The following TRPC5 variants were observed in gnomAD, a reference collection of about 807,000 sequenced individuals.
TRPC5 encodes short transient receptor potential channel 5.
In TRPC5, 9 loss-of-function variants were observed where a neutral mutation model predicts 56.5. The observed-to-expected ratio is 0.16, with a 90% CI of 0.10 to 0.28. The LOEUF (loss-of-function observed/expected upper bound fraction) is 0.28. Among genes scored for constraint, TRPC5 ranks in the 10% least tolerant of loss-of-function variants. The probability of loss-of-function intolerance (pLI) is 1.00; values close to 1 mark genes in which losing one functional copy is unlikely to be tolerated. For missense variants in TRPC5, 469 were observed against 748.9 expected (o/e 0.63, Z 4.36); for synonymous variants, 282 against 278.5 (o/e 1.01, Z -0.13).
At chrX:111,842,132 G>GTATATATATATATTATATATATA (rs1406226710) in intron 6 of TRPC5, among the ~76,000 whole-genome samples, 6 of 77,195 alleles carry the variant, frequency 7.8e-5, no homozygotes, top group African/African-American at 7.0e-4. Flanking sequence ...ATATATATAT[G>GTATATATATATATTATATATATA]TATATATATA....
intron 3 of TRPC5, among the ~76,000 whole-genome samples, chrX:111,855,903 C>A (rs929014594): frequency 1.8e-5 from 2 of 111,808 alleles, no homozygotes; most frequent in African/African-American, 6.5e-5. Flanking sequence ...AGTAAGGACA[C>A]CGAAAACGAT....
chrX:112,050,182 AAAAC>A (rs368003010), intron 1 of TRPC5, among the ~76,000 whole-genome samples: 4,241 of 110,220 alleles, frequency 0.038, 80 homozygotes, highest in Middle Eastern at 0.061. Context: ...AACAACAACA[AAAAC>A]AAACAAACAA....
intron 2 of TRPC5, among the ~76,000 whole-genome samples, chrX:111,938,647 AT>A (rs1355327331): frequency 1.8e-5 from 2 of 111,404 alleles, no homozygotes; most frequent in Non-Finnish European, 1.9e-5. Context: ...GCTGGATTAC[AT>A]TTATTGATTT....
intron 1 of TRPC5, among the ~76,000 whole-genome samples, chrX:111,961,832 G>A (rs771660846): frequency 8.0e-5 from 9 of 111,849 alleles, no homozygotes; most frequent in Non-Finnish European, 1.5e-4. Flanking sequence ...TAAGGGGAAT[G>A]AAAACATATC....
chrX:111,962,674 T>C (rs757482352), intron 1 of TRPC5, among the ~76,000 whole-genome samples: 1 of 112,641 alleles, frequency 8.9e-6, no homozygotes, highest in Non-Finnish European at 1.9e-5. Context: ...ACTTAGTTGA[T>C]AAAACAGTGG....
chrX:111,998,434 C>T (rs967272660), intron 1 of TRPC5, among the ~76,000 whole-genome samples: 3 of 111,144 alleles, frequency 2.7e-5, no homozygotes, highest in Non-Finnish European at 3.8e-5. Flanking sequence ...TATTCTCTTC[C>T]AGCTATTTAA....
chrX:111,843,873 AGTGTGTGTGT>A (rs547330564), intron 6 of TRPC5, among the ~76,000 whole-genome samples: 42 of 72,599 alleles, frequency 5.8e-4, no homozygotes, highest in Admixed American at 1.4e-3. Context: ...CAGTGGGATG[AGTGTGTGTGT>A]GTGTGTGTGT....
intron 3 of TRPC5, among the ~76,000 whole-genome samples, chrX:111,870,445 G>A (rs1923711584): frequency 9.0e-6 from 1 of 111,722 alleles, no homozygotes; most frequent in South Asian, 3.7e-4. Flanking sequence ...TTTGGGACAT[G>A]CTTATACAAA....
At chrX:112,014,037 T>C (rs930297723) in intron 1 of TRPC5, among the ~76,000 whole-genome samples, 3 of 112,187 alleles carry the variant, frequency 2.7e-5, no homozygotes, top group Non-Finnish European at 5.6e-5. Context: ...CCTGAGAGAA[T>C]GTTAAAACAC....
At chrX:111,931,757 C>G (rs1002978615) in intron 2 of TRPC5, among the ~76,000 whole-genome samples, 10 of 111,585 alleles carry the variant, frequency 9.0e-5, no homozygotes, top group Non-Finnish European at 1.9e-4. Flanking sequence ...AGTGCATCCG[C>G]TTACTAGATG....
chrX:112,072,265 G>A (rs746696172), intron 1 of TRPC5, among the ~76,000 whole-genome samples: 23 of 111,994 alleles, frequency 2.1e-4, no homozygotes, highest in Non-Finnish European at 3.9e-4. Flanking sequence ...GATAAAAACA[G>A]CATTTCCTTC....
At chrX:111,961,559 G>A (rs1927381284) in intron 1 of TRPC5, among the ~76,000 whole-genome samples, 2 of 112,109 alleles carry the variant, frequency 1.8e-5, no homozygotes, top group African/African-American at 6.5e-5. Flanking sequence ...ATTCGGTCAT[G>A]TCAGGTATAC....
At chrX:112,030,070 C>T (rs1227289291) in intron 1 of TRPC5, among the ~76,000 whole-genome samples, 2 of 112,104 alleles carry the variant, frequency 1.8e-5, no homozygotes, top group African/African-American at 6.5e-5. Flanking sequence ...GGTGATCCAC[C>T]CACCTCGGCC....
chrX:111,807,164 C>G (rs965953084), intron 7 of TRPC5, among the ~76,000 whole-genome samples: 1 of 111,344 alleles, frequency 9.0e-6, no homozygotes, highest in African/African-American at 3.3e-5. Context: ...ACTTTCAACC[C>G]CCATCTCTTT....
At chrX:111,888,206 A>G (rs1241040577) in intron 3 of TRPC5, among the ~76,000 whole-genome samples, 2 of 111,683 alleles carry the variant, frequency 1.8e-5, no homozygotes, top group East Asian at 5.6e-4. Context: ...GCTAGAACAG[A>G]GCAGGAGAGA....
chrX:111,894,899 G>A (rs1311666575), intron 3 of TRPC5, among the ~76,000 whole-genome samples: 1 of 110,675 alleles, frequency 9.0e-6, no homozygotes, highest in Non-Finnish European at 1.9e-5. Flanking sequence ...CCTACCCAGA[G>A]GTAACCACTT....
At chrX:112,022,650 G>A (rs2147712243) in intron 1 of TRPC5, among the ~76,000 whole-genome samples, 1 of 111,921 alleles carries the variant, frequency 8.9e-6, no homozygotes, top group South Asian at 3.8e-4. Context: ...GGTTATGAGA[G>A]GAAGAAAAGT....
intron 1 of TRPC5, among the ~76,000 whole-genome samples, chrX:111,987,289 T>C (rs184323446): frequency 8.9e-6 from 1 of 112,069 alleles, no homozygotes; most frequent in African/African-American, 3.2e-5. Context: ...CAATTGTTAC[T>C]TTTAAGCAAA....
At chrX:111,783,269 G>A (rs1945935334) in intron 7 of TRPC5, among the ~76,000 whole-genome samples, 2 of 112,038 alleles carry the variant, frequency 1.8e-5, no homozygotes, top group African/African-American at 6.5e-5. Flanking sequence ...GACCATTCAT[G>A]TACAGGTTTT....
Sources: allele counts gnomAD v4.1 joint callset (sites outside exome capture counted in the v4.1 genomes callset), GRCh38; gene constraint gnomAD v4.1.1; transcripts MANE v1.5; gene names NCBI Gene and HGNC (gene_info 2026-07-23, HGNC 2026-07-21).